The following SEC14L1 variants were observed in gnomAD, a reference collection of about 807,000 sequenced individuals.
SEC14L1 encodes the protein SEC14-like protein 1.
A neutral mutation model predicts 85.3 loss-of-function variants in SEC14L1; 48 were observed. The ratio of observed to expected loss-of-function variants is 0.56; its 90% CI spans 0.45 to 0.72. The LOEUF (loss-of-function observed/expected upper bound fraction) is 0.72. SEC14L1 is among the 30% of genes least tolerant of loss of function. The pLI is 0.00. For missense variants in SEC14L1, 682 were observed against 921.4 expected (o/e 0.74, Z 3.36); for synonymous variants, 391 against 355.5 (o/e 1.10, Z -1.12).
intron 3 of SEC14L1, among the ~76,000 whole-genome samples, chr17:77,132,863 T>TC (rs1972655472): frequency 1.4e-5 from 2 of 144,040 alleles, no homozygotes; most frequent in Admixed American, 1.4e-4. Flanking sequence ...TTTTTTTTTT[T>TC]CTTTTTTCTT....
intron 3 of SEC14L1, among the ~76,000 whole-genome samples, chr17:77,105,326 C>G (rs966336843): frequency 6.7e-6 from 1 of 149,892 alleles, no homozygotes; most frequent in Non-Finnish European, 1.5e-5. Context: ...GGTCAGTGTT[C>G]GTGAACAAGA....
chr17:77,183,418 C>T (rs1029903728), intron 3 of SEC14L1, among the ~76,000 whole-genome samples: 2 of 152,182 alleles, frequency 1.3e-5, no homozygotes, highest in African/African-American at 4.8e-5. Context: ...TGACACTTTA[C>T]CCCTACATAC....
chr17:77,107,222 C>A (rs1971934855), intron 3 of SEC14L1, among the ~76,000 whole-genome samples: 1 of 152,284 alleles, frequency 6.6e-6, no homozygotes, highest in South Asian at 2.1e-4. Flanking sequence ...ACTTAGCCCA[C>A]GCCAGGCTCC....
upstream of SEC14L1, among the ~76,000 whole-genome samples, chr17:77,139,935 C>G (rs1972926275): frequency 6.6e-6 from 1 of 152,192 alleles, no homozygotes; most frequent in African/African-American, 2.4e-5. Context: ...GCTTGTGTGT[C>G]TGGTAAACTG....
intron 3 of SEC14L1, among the ~76,000 whole-genome samples, chr17:77,123,544 T>C (rs1331625740): frequency 6.6e-6 from 1 of 151,532 alleles, no homozygotes; most frequent in African/African-American, 2.4e-5. Flanking sequence ...CCTACGTAGC[T>C]GGGACCACAG....
chr17:77,181,288 A>G (rs1975024882), intron 3 of SEC14L1: 1 of 152,368 alleles, frequency 6.6e-6, no homozygotes, highest in Non-Finnish European at 1.5e-5. Context: ...AGCCCTCTGT[A>G]ACCATCCAAC....
chr17:77,107,476 T>C (rs1218301918), intron 3 of SEC14L1, among the ~76,000 whole-genome samples: 4 of 152,144 alleles, frequency 2.6e-5, no homozygotes, highest in African/African-American at 9.7e-5. Context: ...ACAAAAAATC[T>C]ATTATATATT....
chr17:77,138,185 G>A (rs916206541), upstream of SEC14L1, among the ~76,000 whole-genome samples: 1 of 152,168 alleles, frequency 6.6e-6, no homozygotes, highest in African/African-American at 2.4e-5. Flanking sequence ...GGGAGGATCT[G>A]CAAAATGTCT....
rs1873895517 is a variant in SEC14L1 at position 77,147,871 on chromosome 17, G to A, written c.63+4212G>A. Among the ~76,000 whole-genome samples the A allele has an allele frequency of 2.0e-5, 3 of 152,118 alleles. No homozygotes were observed. In the South Asian group the frequency reaches 6.2e-4, roughly 32 times the overall value. ...ATACAATGAAGTGGTCACATGTCAGGTGTACAGTTTGATCAGTTTTAACCA... is the reference window on the plus strand; with the variant it reads ...ATACAATGAAGTGGTCACATGTCAGATGTACAGTTTGATCAGTTTTAACCA... On this transcript the variant is annotated intron_variant, in intron 3 of 16. Transcript: ENST00000436233.
Position 77,214,716 on chromosome 17 carries a change from C to T in SEC14L1, c.*693C>T. The T allele has an allele frequency of 1.0e-6, 1 of 985,548 alleles. No individual in the cohort carries two copies. Among genetic ancestry groups the T allele is most frequent in the South Asian group, 4.7e-5 (1 of 21,286 alleles). 61.1% of individuals were successfully genotyped at this position (985,548 alleles called of 1,614,324 possible). A position where few individuals can be genotyped will look rare whatever the true frequency, so the allele number is the denominator to read the frequency against. ...CGTTAAACATTACTTTCTCTTTCCT[C>T]CTTTTCAAATCTTTTTGATACTTTT... On this transcript the variant is annotated 3_prime_UTR_variant, in exon 17 of 17. Coordinates refer to ENST00000436233, the MANE Select transcript of SEC14L1 (RefSeq NM_001143998.2).
intron 3 of SEC14L1, among the ~76,000 whole-genome samples, chr17:77,176,617 C>T (rs949134262): frequency 1.2e-4 from 18 of 152,204 alleles, no homozygotes; most frequent in East Asian, 1.9e-4. Context: ...GACAGAGTCT[C>T]GCTCTGTTGT....
At position 77,213,933 on chromosome 17, in the gene SEC14L1, C is replaced by T. The variant is rs773367756; in HGVS notation, c.2058C>T (p.Ser686=). 2.5e-5 allele frequency: 40 copies of T among 1,613,224 alleles called. No homozygotes were observed. The highest frequency in any genetic ancestry group is 3.2e-5 in the Non-Finnish European group (38 of 1,179,772). ...GCCATTACAGAGGTTCCATGACGAG[C>T]CTGGAGTCCAGCCACAGCGGCTTCT... ...GSEDFRGSMT[S]LESSHSGFSQ... is the part of the protein sequence containing the mutation. Residue 686 remains serine (S), a synonymous_variant, in exon 17 of 17, where the codon AGC becomes AGT. Coordinates refer to ENST00000436233, the MANE Select transcript of SEC14L1 (RefSeq NM_001143998.2). The surrounding 1 kb of genome is among the most constrained non-coding windows in gnomAD (Gnocchi z 7.1).
In SEC14L1 at chr17:77,200,473, T is replaced by G. The variant is rs771906740; in HGVS notation, c.820-11T>G. ...TTAACATTGCTTAGAAATGTCTTTT[T>G]CTCTTAATAGATTCCAAAAGATGAG... is the stretch of plus-strand genomic sequence containing the variant. On this transcript the variant is annotated splice_polypyrimidine_tract_variant and intron_variant, in intron 8 of 16. Transcript: ENST00000436233. 7.5e-6 allele frequency: 12 copies of G among 1,609,296 alleles called. No individual in the cohort carries two copies. In the South Asian group the frequency reaches 1.2e-4, roughly 16 times the overall value.
At chr17:77,149,005 T>C (rs1458810471) in intron 3 of SEC14L1, among the ~76,000 whole-genome samples, 1 of 152,226 alleles carries the variant, frequency 6.6e-6, no homozygotes, top group African/African-American at 2.4e-5. Flanking sequence ...GCCCCCTCTT[T>C]TCTTTTTTCT....
rs143257233 is a variant in SEC14L1 at position 77,205,496 on chromosome 17, G to A, written c.1169+150G>A. The stretch of plus-strand genomic sequence containing the variant: ...TGAACATGTAATATGCCAGTGACGA[G>A]GGACAGACAGTTAGTGTTTTTTGAC... On this transcript the variant is annotated intron_variant, in intron 11 of 16. Transcript: ENST00000436233. 1.0e-4 allele frequency: 76 copies of A among 727,578 alleles called. No individual in the cohort carries two copies. In the East Asian group the frequency reaches 1.3e-3, roughly 13 times the overall value. The allele number at this position is 727,578 out of a possible 1,614,324, so 45.1% of individuals were successfully genotyped here.
chr17:77,123,487 C>T (rs1269933973), intron 3 of SEC14L1, among the ~76,000 whole-genome samples: 1 of 139,578 alleles, frequency 7.2e-6, no homozygotes, highest in East Asian at 2.1e-4. Context: ...TCTTGGCTCG[C>T]TGCAACCTCC....
intron 14 of SEC14L1, chr17:77,210,772 C>T (rs1354154176): frequency 6.6e-6 from 1 of 152,218 alleles, no homozygotes; most frequent in East Asian, 1.9e-4. Context: ...TTGTTAGGCA[C>T]TATCGCTCTT....
chr17:77,185,016 A>G (rs8078846), intron 3 of SEC14L1, among the ~76,000 whole-genome samples: 11,196 of 152,302 alleles, frequency 0.074, 495 homozygotes, highest in East Asian at 0.27. Flanking sequence ...GACAGTATGC[A>G]GAATCTACTG....
chr17:77,189,754 G>C (rs550830377), intron 3 of SEC14L1, among the ~76,000 whole-genome samples: 8 of 152,152 alleles, frequency 5.3e-5, no homozygotes, highest in Admixed American at 4.6e-4. Context: ...TCAGCCTCCT[G>C]AGTAGCTGGA....
Sources: gnomAD v4.1 joint callset for allele counts (sites outside exome capture counted in the v4.1 genomes callset) on GRCh38, gnomAD v4.1.1 for gene constraint, Gnocchi (gnomAD v3.1) non-coding constraint, MANE v1.5 for transcripts, NCBI Gene and HGNC (gene_info 2026-07-23, HGNC 2026-07-21) for gene names.